The following NAF1 variants were observed in gnomAD, a reference collection of about 807,000 sequenced individuals.
The protein encoded by NAF1 is nuclear assembly factor 1 ribonucleoprotein, also known as H/ACA ribonucleoprotein complex non-core subunit NAF1.
A neutral mutation model predicts 40.6 loss-of-function variants in NAF1; 11 were observed. The ratio of observed to expected loss-of-function variants is 0.27; its 90% CI spans 0.17 to 0.45. The LOEUF is 0.45. Ranked by LOEUF, NAF1 falls within the 20% of genes least tolerant of loss-of-function variation. The probability of loss-of-function intolerance (pLI) is 1.00; values close to 1 mark genes in which losing one functional copy is unlikely to be tolerated. For synonymous variants in NAF1, 260 were observed against 228.5 expected, an observed-to-expected ratio of 1.14 and a Z score of -1.24; for missense variants, 607 against 611.1, an observed-to-expected ratio of 0.99 and a Z score of 0.07.
intron 2 of NAF1, among the ~76,000 whole-genome samples, chr4:163,117,264 T>C (rs1433502227): frequency 1.3e-5 from 2 of 152,230 alleles, no homozygotes; most frequent in Non-Finnish European, 2.9e-5. Flanking sequence ...CCATACCTTG[T>C]ACAAACATAT....
At chr4:163,138,589 A>G (rs1220418191) in intron 5 of NAF1, among the ~76,000 whole-genome samples, 1 of 152,122 alleles carries the variant, frequency 6.6e-6, no homozygotes, top group African/African-American at 2.4e-5. Flanking sequence ...CCTCAAAGAC[A>G]AAGTACTCCA....
At chr4:163,110,210 C>A in exon 3 of NAF1, 1 of 673,538 alleles carries the variant, frequency 1.5e-6, no homozygotes, top group South Asian at 1.6e-5. Flanking sequence ...ACCAGCCATA[C>A]CATCATTTGA....
At chr4:163,134,784 G>A (rs1247465763) in intron 6 of NAF1, among the ~76,000 whole-genome samples, 1 of 152,256 alleles carries the variant, frequency 6.6e-6, no homozygotes, top group East Asian at 1.9e-4. Flanking sequence ...GTTCTGAAAG[G>A]CAAAGTGAAA....
intron 5 of NAF1, among the ~76,000 whole-genome samples, chr4:163,139,737 G>A (rs1050215543): frequency 2.0e-5 from 3 of 152,044 alleles, no homozygotes; most frequent in Non-Finnish European, 4.4e-5. Flanking sequence ...TCAGGGACAC[G>A]TGTTAGTTGT....
At chr4:163,161,203 T>C (rs1316807511) in intron 2 of NAF1, among the ~76,000 whole-genome samples, 1 of 152,158 alleles carries the variant, frequency 6.6e-6, no homozygotes, top group Non-Finnish European at 1.5e-5. Context: ...CCAGGCACGG[T>C]GGCTCACGCC....
chr4:163,118,757 AAAG>A (rs1435620860), intron 2 of NAF1, among the ~76,000 whole-genome samples: 1 of 152,206 alleles, frequency 6.6e-6, no homozygotes, highest in African/African-American at 2.4e-5. Context: ...TGTCTCAAAA[AAAG>A]AAAAAAAAAA....
intron 2 of NAF1, among the ~76,000 whole-genome samples, chr4:163,154,591 G>A (rs1731891438): frequency 6.6e-6 from 1 of 152,170 alleles, no homozygotes; most frequent in Non-Finnish European, 1.5e-5. Flanking sequence ...GAGGAGGACA[G>A]GCCAGGAATG....
intron 2 of NAF1, among the ~76,000 whole-genome samples, chr4:163,150,988 T>G (rs571120641): frequency 6.6e-5 from 10 of 152,274 alleles, no homozygotes; most frequent in Admixed American, 6.5e-4. Flanking sequence ...TTTGAATTTC[T>G]TCATTCATAA....
intron 3 of NAF1, among the ~76,000 whole-genome samples, chr4:163,147,793 T>A (rs1353893042): frequency 3.3e-5 from 5 of 152,142 alleles, no homozygotes; most frequent in Admixed American, 6.5e-5. Context: ...GCAGAGAACC[T>A]TTCCACATGT....
chr4:163,143,291 T>A (rs1731332467), intron 4 of NAF1, among the ~76,000 whole-genome samples: 1 of 152,164 alleles, frequency 6.6e-6, no homozygotes, highest in Admixed American at 6.5e-5. Flanking sequence ...TAACACACAC[T>A]GTAACAACAA....
intron 6 of NAF1, among the ~76,000 whole-genome samples, chr4:163,134,283 AAAG>A (rs1730975502): frequency 6.6e-6 from 1 of 152,178 alleles, no homozygotes; most frequent in African/African-American, 2.4e-5. Flanking sequence ...ACACATTTAA[AAAG>A]AAGAAATAAA....
rs778799121 is a variant in NAF1 at position 163,166,384 on chromosome 4, T to G, written c.344A>C (p.Asp115Ala). The G allele has an allele frequency of 1.9e-6, 3 of 1,605,152 alleles. No individual in the cohort carries two copies. The South Asian group carries it at 3.3e-5, about 18-fold the overall frequency. The change falls in exon 1 of 8, where the codon GAC becomes GCC. Residue 115 changes from aspartate (D) to alanine (A), a missense_variant. This residue lies in a region of NAF1 where 407 missense variants were observed against 365.5 expected (regional missense o/e 1.11). Transcript: ENST00000274054. ...ARAPDSLETS[D>A]SDSDSDSETD... ...CGACCTGTCCGAGTCCGAATCCGAG[T>G]CCGAGGTCTCCAAGGAGTCCGGCGC...
intron 2 of NAF1, among the ~76,000 whole-genome samples, chr4:163,113,141 T>C (rs1416605224): frequency 6.6e-6 from 1 of 152,182 alleles, no homozygotes; most frequent in Non-Finnish European, 1.5e-5. Context: ...GGCAAGCACT[T>C]CAGGGTTCCT....
intron 2 of NAF1, among the ~76,000 whole-genome samples, chr4:163,156,562 A>G (rs1468379399): frequency 6.6e-6 from 1 of 152,164 alleles, no homozygotes; most frequent in Non-Finnish European, 1.5e-5. Flanking sequence ...CAAGTAAGAC[A>G]GCACAATATG....
chr4:163,105,009 T>C, the NAF1 span, among the ~76,000 whole-genome samples: 1 of 152,236 alleles, frequency 6.6e-6, no homozygotes, highest in Non-Finnish European at 1.5e-5. Flanking sequence ...CAAATCTTTC[T>C]TCATCCTTTA....
At chr4:163,135,484 G>A (rs1295175772) in intron 6 of NAF1, 1 of 152,106 alleles carries the variant, frequency 6.6e-6, no homozygotes, top group Admixed American at 6.5e-5. Context: ...GAAACAAGAG[G>A]GATTCATTAG....
At chr4:163,138,356 T>C (rs1731134855) in intron 5 of NAF1, among the ~76,000 whole-genome samples, 1 of 152,138 alleles carries the variant, frequency 6.6e-6, no homozygotes, top group Non-Finnish European at 1.5e-5. Flanking sequence ...TTTCTGCACA[T>C]ATGACATCTC....
At chr4:163,137,687 T>C (rs1731112388) in intron 5 of NAF1, among the ~76,000 whole-genome samples, 1 of 152,144 alleles carries the variant, frequency 6.6e-6, no homozygotes. Flanking sequence ...GGCAGAGATA[T>C]CAATATGAAT....
chr4:163,116,918 C>G (rs984446935), intron 2 of NAF1, among the ~76,000 whole-genome samples: 4 of 151,784 alleles, frequency 2.6e-5, no homozygotes, highest in African/African-American at 9.7e-5. Flanking sequence ...TTGCAGAGTC[C>G]TGTCAATTCA....
Sources: gnomAD v4.1 joint callset for allele counts (sites outside exome capture counted in the v4.1 genomes callset) on GRCh38, gnomAD v4.1.1 for gene constraint, gnomAD v4.1.1 regional missense constraint, MANE v1.5 for transcripts, NCBI Gene and HGNC (gene_info 2026-07-23, HGNC 2026-07-21) for gene names.